TENM2: variants seen among roughly 807,000 people sequenced by gnomAD.
The protein encoded by TENM2 is teneurin-2.
Under a neutral mutation model 245.2 loss-of-function variants are expected in TENM2, and 52 were observed. That is an observed-to-expected ratio of 0.21 (90% CI 0.17 to 0.27). The LOEUF is 0.27. Ranked by LOEUF, TENM2 falls within the 10% of genes least tolerant of loss-of-function variation. The pLI is 1.00. For missense variants in TENM2, 3,046 were observed against 3,666.8 expected, an observed-to-expected ratio of 0.83 and a Z score of 4.37; for synonymous variants, 1,363 against 1,438.9, an observed-to-expected ratio of 0.95 and a Z score of 1.19.
intron 2 of TENM2, among the ~76,000 whole-genome samples, chr5:167,634,919 A>T (rs1461410198): frequency 6.6e-6 from 1 of 152,202 alleles, no homozygotes; most frequent in Non-Finnish European, 1.5e-5. Context: ...ATAACTAAAA[A>T]TTTAAGCATT....
At chr5:167,311,943 A>C (rs1292334568) in intron 1 of TENM2, among the ~76,000 whole-genome samples, 3 of 152,156 alleles carry the variant, frequency 2.0e-5, no homozygotes, top group Admixed American at 2.0e-4. Context: ...ATCTTATGTC[A>C]TTTTATCTGG....
chr5:167,122,298 C>G, the TENM2 span, among the ~76,000 whole-genome samples: 1 of 152,224 alleles, frequency 6.6e-6, no homozygotes, highest in Non-Finnish European at 1.5e-5. Flanking sequence ...ATACACCGAG[C>G]CTATTGAAAT....
At chr5:167,235,302 G>A in the TENM2 span, among the ~76,000 whole-genome samples, 31,653 of 151,940 alleles carry the variant, frequency 0.21, 3,871 homozygotes, top group African/African-American at 0.34. Flanking sequence ...AAATACAGCC[G>A]TATTCTTAGG....
chr5:167,331,378 C>T (rs1330773544), intron 1 of TENM2, among the ~76,000 whole-genome samples: 1 of 152,006 alleles, frequency 6.6e-6, no homozygotes, highest in Non-Finnish European at 1.5e-5. Context: ...CTGAAAGGTC[C>T]TATCAACTGG....
chr5:167,465,351 G>A (rs573723099), intron 2 of TENM2, among the ~76,000 whole-genome samples: 8 of 152,084 alleles, frequency 5.3e-5, no homozygotes, highest in Non-Finnish European at 4.4e-5. Flanking sequence ...ACACTCTCTC[G>A]AAGTCACCTT....
chr5:167,437,202 C>G (rs1262694810), intron 2 of TENM2, among the ~76,000 whole-genome samples: 1 of 152,150 alleles, frequency 6.6e-6, no homozygotes, highest in Non-Finnish European at 1.5e-5. Flanking sequence ...TGGAGCTGCC[C>G]AAGACCATGG....
At chr5:167,688,177 G>A (rs1240796537) in intron 2 of TENM2, among the ~76,000 whole-genome samples, 3 of 152,118 alleles carry the variant, frequency 2.0e-5, no homozygotes, top group African/African-American at 4.8e-5. Context: ...AGGAAGACTG[G>A]TTCAAGATTA....
the TENM2 span, among the ~76,000 whole-genome samples, chr5:167,276,912 G>GCTATATTCT: frequency 6.6e-6 from 1 of 152,096 alleles, no homozygotes; most frequent in African/African-American, 2.4e-5. Flanking sequence ...TGGTGGGCCA[G>GCTATATTCT]CTATATTCTC....
At chr5:166,979,917 G>A in the TENM2 span, among the ~76,000 whole-genome samples, 1 of 152,038 alleles carries the variant, frequency 6.6e-6, no homozygotes, top group Non-Finnish European at 1.5e-5. Flanking sequence ...GCTGTTTAAG[G>A]TTATCGTTCT....
chr5:167,597,840 TACAC>T (rs554562343), intron 2 of TENM2, among the ~76,000 whole-genome samples: 114 of 152,358 alleles, frequency 7.5e-4, no homozygotes, highest in African/African-American at 2.7e-3. Context: ...CCCATATACA[TACAC>T]ACATGTGCAT....
chr5:167,380,184 C>T lies in TENM2; in HGVS notation c.502+4711C>T, dbSNP rs552132366. On this transcript the variant is annotated intron_variant, in intron 2 of 28. Transcript: ENST00000518659. ...TTTCTAATTCAATTCCCTCAAAGTC[C>T]AGGTATTGGAAGCTATAGAGAAAAC... Among the ~76,000 whole-genome samples the T allele has an allele frequency of 2.0e-5, 3 of 152,006 alleles. No homozygotes were observed. The South Asian group carries it at 6.2e-4, about 32-fold the overall frequency.
At chr5:167,350,559 T>G (rs1400013825) in intron 1 of TENM2, among the ~76,000 whole-genome samples, 1 of 145,884 alleles carries the variant, frequency 6.9e-6, no homozygotes, top group Non-Finnish European at 1.5e-5. Flanking sequence ...TCCATATATA[T>G]GGGATATATA....
intron 2 of TENM2, among the ~76,000 whole-genome samples, chr5:167,533,654 C>T (rs1335258219): frequency 6.6e-6 from 1 of 151,914 alleles, no homozygotes; most frequent in Non-Finnish European, 1.5e-5. Flanking sequence ...GAAATGGGGT[C>T]TAGTTATGTT....
At chr5:168,054,720 A>C (rs934295176) in intron 6 of TENM2, among the ~76,000 whole-genome samples, 2 of 152,238 alleles carry the variant, frequency 1.3e-5, no homozygotes, top group Admixed American at 1.3e-4. Flanking sequence ...TTTGCTCAAC[A>C]TCAGTCGTGT....
At chr5:167,999,694 G>A (rs966024803) in intron 5 of TENM2, among the ~76,000 whole-genome samples, 4 of 152,188 alleles carry the variant, frequency 2.6e-5, no homozygotes, top group African/African-American at 9.7e-5. Context: ...CTTCAGGAGG[G>A]TCAGCAGCTC....
intron 1 of TENM2, among the ~76,000 whole-genome samples, chr5:167,344,329 T>G (rs3067280): frequency 1.4e-5 from 2 of 141,278 alleles, no homozygotes; most frequent in Non-Finnish European, 3.0e-5. Context: ...TATATATATA[T>G]AGATATATTG....
Position 168,246,748 on chromosome 5 carries a change from T to A in TENM2, c.5818-9T>A, listed in dbSNP as rs369105129. On this transcript the variant is annotated splice_polypyrimidine_tract_variant and intron_variant, in intron 26 of 28. Coordinates refer to ENST00000518659, the Ensembl canonical transcript of TENM2. ...ACTGATATGTTCTGTTCCCCTTTCC[T>A]TTCTGCAGTCCATGGTCCTCCTGCT... is the stretch of plus-strand genomic sequence containing the variant. The A allele has an allele frequency of 6.2e-6, 10 of 1,611,542 alleles. No homozygotes were observed. The African/African-American group carries it at 1.1e-4, about 17-fold the overall frequency.
chr5:167,135,292 T>C, the TENM2 span, among the ~76,000 whole-genome samples: 184 of 152,334 alleles, frequency 1.2e-3, no homozygotes, highest in African/African-American at 4.2e-3. Context: ...CACTTCACCT[T>C]TAAGTGAATT....
chr5:168,053,890 C>A (rs571303839), intron 6 of TENM2, among the ~76,000 whole-genome samples: 3 of 152,068 alleles, frequency 2.0e-5, no homozygotes, highest in African/African-American at 7.2e-5. Context: ...AGCTGGGTGA[C>A]CCTAAGCAAG....
Sources: gnomAD v4.1 joint callset for allele counts (sites outside exome capture counted in the v4.1 genomes callset) on GRCh38, gnomAD v4.1.1 for gene constraint, MANE v1.5 for transcripts, NCBI Gene and HGNC (gene_info 2026-07-23, HGNC 2026-07-21) for gene names.